ZNF586: variants seen among roughly 807,000 people sequenced by gnomAD.
ZNF586 encodes the protein zinc finger protein 586.
A neutral mutation model predicts 6.7 loss-of-function variants in ZNF586; 7 were observed. That is an observed-to-expected ratio of 1.04 (90% CI 0.59 to 1.95). The LOEUF (loss-of-function observed/expected upper bound fraction) is 1.95, where lower values mean the gene tolerates loss of function less well. ZNF586 is among the 30% of genes most tolerant of loss of function. The pLI is 0.00. For missense variants in ZNF586, 442 were observed against 489.6 expected (o/e 0.90, Z 0.92); for synonymous variants, 166 against 168.7 (o/e 0.98, Z 0.12).
chr19:57,777,088 A>G (rs1217552524), intron 2 of ZNF586, among the ~76,000 whole-genome samples: 2 of 152,046 alleles, frequency 1.3e-5, no homozygotes, highest in Non-Finnish European at 1.5e-5. Context: ...CCCTACTTCA[A>G]AATTCTTTTT....
chr19:57,773,312 T>C (rs1347551571), intron 1 of ZNF586, among the ~76,000 whole-genome samples: 1 of 152,090 alleles, frequency 6.6e-6, no homozygotes, highest in East Asian at 1.9e-4. Context: ...GGTTTCCTGC[T>C]TGTGTACCTG....
intron 1 of ZNF586, among the ~76,000 whole-genome samples, chr19:57,771,697 CTG>C (rs538259806): frequency 7.0e-4 from 107 of 152,246 alleles, no homozygotes; most frequent in African/African-American, 2.5e-3. Flanking sequence ...GGGCAACAGA[CTG>C]TGGGGTTGAG....
Position 57,777,987 on chromosome 19 carries a change from C to T in ZNF586, c.164-764C>T, listed in dbSNP as rs576731738. On this transcript the variant is annotated intron_variant, in intron 2 of 2. Transcript: ENST00000396154. ...CTGGCAAGGCTGGTCTTGAACTGAC[C>T]TCAGGTGATCCACGCCCCTCAACTT... is the stretch of plus-strand genomic sequence containing the variant. 3.6e-4 allele frequency among the ~76,000 whole-genome samples: 54 copies of T among 151,560 alleles called. 1 individual carries two copies. The highest frequency in any genetic ancestry group is 1.3e-3 in the African/African-American group (54 of 41,366).
chr19:57,775,354 G>A (rs1484584951), intron 1 of ZNF586, among the ~76,000 whole-genome samples: 1 of 152,064 alleles, frequency 6.6e-6, no homozygotes, highest in Non-Finnish European at 1.5e-5. Flanking sequence ...TTGCAGCTGG[G>A]TGTGGTATCG....
intron 1 of ZNF586, among the ~76,000 whole-genome samples, chr19:57,770,298 AG>A (rs1196649988): frequency 1.3e-5 from 2 of 151,476 alleles, no homozygotes; most frequent in Non-Finnish European, 2.9e-5. Flanking sequence ...CTGGGATTAC[AG>A]GCATGCGCCA....
chr19:57,773,390 TTTCTTC>T (rs200967992), intron 1 of ZNF586, among the ~76,000 whole-genome samples: 1 of 134,724 alleles, frequency 7.4e-6, no homozygotes, highest in South Asian at 2.2e-4. Context: ...GATACATCTG[TTTCTTC>T]TTCTTCTTTT....
Position 57,776,652 on chromosome 19 carries a change from C to A in ZNF586, c.146C>A (p.Thr49Lys), listed in dbSNP as rs1464019275. 3 of 1,606,232 alleles carry A rather than the reference C, an allele frequency of 1.9e-6. No individual in the cohort carries two copies. The highest frequency in any genetic ancestry group is 2.7e-5 in the African/African-American group (2 of 74,654). ...CGTGACGTGATGCTGGAGACCTTGA[C>A]ACTTATATCCTCCCTGGGTAAGGTA... ...LYRDVMLETLTLISSLGCWHG... is the reference protein window; with the variant it reads ...LYRDVMLETLKLISSLGCWHG... The change falls in exon 2 of 3, where the codon ACA (threonine) becomes AAA (lysine). Residue 49 changes from threonine to lysine, a missense_variant. Thr to Lys is a moderately conservative substitution (Grantham distance 78). Coordinates refer to ENST00000396154, the MANE Select transcript of ZNF586 (RefSeq NM_017652.4).
chr19:57,770,907 G>A (rs1330582362), intron 1 of ZNF586, among the ~76,000 whole-genome samples: 1 of 151,992 alleles, frequency 6.6e-6, no homozygotes, highest in Non-Finnish European at 1.5e-5. Flanking sequence ...CTGGGTTGCG[G>A]TGACGCGATC....
chr19:57,776,515 G>C, intron 1 of ZNF586, 28 bp from the exon 2 acceptor site: 1 of 1,599,756 alleles, frequency 6.3e-7, no homozygotes, highest in Non-Finnish European at 8.5e-7. Context: ...GGGGCCATTT[G>C]TGGTTTCATC....
Position 57,779,151 on chromosome 19 carries a change from T to C in ZNF586, c.564T>C (p.Ala188=), listed in dbSNP as rs1429816072. 5 of 1,612,854 alleles carry C rather than the reference T, an allele frequency of 3.1e-6. No homozygotes were observed. The East Asian group carries it at 1.1e-4, about 36-fold the overall frequency. The part of the protein sequence containing the change: ...YECIECGKAF[A]EKSSLINHRK... ...GTATTGAATGTGGGAAAGCCTTTGCTGAAAAGTCCAGTCTCATTAACCACA... is the reference window on the plus strand; with the variant it reads ...GTATTGAATGTGGGAAAGCCTTTGCCGAAAAGTCCAGTCTCATTAACCACA... The change falls in exon 3 of 3, where the codon GCT becomes GCC. Residue 188 remains alanine (A), a synonymous_variant. Transcript: ENST00000396154.
At position 57,780,613 on chromosome 19, in the gene ZNF586, C is replaced by T. The variant is rs1309669615; in HGVS notation, c.*817C>T. On this transcript the variant is annotated 3_prime_UTR_variant, in exon 3 of 3. Coordinates refer to ENST00000396154, the MANE Select transcript of ZNF586 (RefSeq NM_017652.4). ...GTCTTTGCAGGAGGGCATGGAAGCT[C>T]CAAGTGCTTTTCTCATACTTTACCC... is the stretch of plus-strand genomic sequence containing the variant. 1 of 152,206 alleles carries T rather than the reference C, an allele frequency of 6.6e-6. No individual in the cohort carries two copies. Among genetic ancestry groups the T allele is most frequent in the Non-Finnish European group, 1.5e-5 (1 of 68,052 alleles). The allele number at this position is 152,206 out of a possible 1,614,324, so 9.4% of individuals were successfully genotyped here. A position where few individuals can be genotyped will look rare whatever the true frequency, so the allele number is the denominator to read the frequency against.
chr19:57,776,211 T>C (rs1336444046), intron 1 of ZNF586, among the ~76,000 whole-genome samples: 1 of 152,134 alleles, frequency 6.6e-6, no homozygotes, highest in Non-Finnish European at 1.5e-5. Flanking sequence ...TGTACGTACA[T>C]AAGGATTATG....
chr19:57,771,826 T>C (rs1600077943), intron 1 of ZNF586, among the ~76,000 whole-genome samples: 1 of 151,716 alleles, frequency 6.6e-6, no homozygotes, highest in South Asian at 2.1e-4. Context: ...GAGGGGCAAG[T>C]CAATTTTTTT....
intron 1 of ZNF586, among the ~76,000 whole-genome samples, chr19:57,773,254 A>G (rs1483206938): frequency 6.6e-6 from 1 of 152,154 alleles, no homozygotes; most frequent in Non-Finnish European, 1.5e-5. Context: ...TGGAAGGCAC[A>G]ACCTTCAGAT....
At chr19:57,773,812 T>C (rs1430198123) in intron 1 of ZNF586, among the ~76,000 whole-genome samples, 2 of 152,222 alleles carry the variant, frequency 1.3e-5, no homozygotes, top group Non-Finnish European at 2.9e-5. Context: ...CTGGGGTGTT[T>C]GATTCAGCCT....
Position 57,780,050 on chromosome 19 carries a change from T to TTTTTTA in ZNF586, c.*255_*256insTTTTAT, listed in dbSNP as rs1987349279. Reference sequence around the variant, plus strand: ...AAATACCACAGATGTGGAGGTAATATTATTTTTTCTTCAATATAACACTGG... The same window carrying TTTTTTA: ...AAATACCACAGATGTGGAGGTAATATTTTTTATATTTTTTCTTCAATATAACACTGG... On this transcript the variant is annotated 3_prime_UTR_variant, in exon 3 of 3. Transcript: ENST00000396154. 2.0e-6 allele frequency: 1 copy of TTTTTTA among 489,540 alleles called. No homozygotes were observed. The highest frequency in any genetic ancestry group is 1.9e-5 in the African/African-American group (1 of 51,654). 30.3% of individuals were successfully genotyped at this position (489,540 alleles called of 1,614,324 possible).
rs766346945 is a variant in ZNF586, at chr19:57,778,752, T to A, written c.165T>A (p.Gly55=). 2 of 1,599,718 alleles carry A rather than the reference T, an allele frequency of 1.3e-6. No homozygotes were observed. Among genetic ancestry groups the A allele is most frequent in the South Asian group, 1.1e-5 (1 of 89,100 alleles). Residue 55 remains glycine (G), a splice_region_variant and synonymous_variant, in exon 3 of 3, where the codon GGT becomes GGA. Transcript: ENST00000396154. ...LETLTLISSL[G]CWHGGEDEAA... is the part of the protein sequence containing the mutation. ...TCACCAGCATTTCTTTGCTTTTAGGTTGTTGGCATGGAGGGGAAGATGAGG... is the reference window on the plus strand; with the variant it reads ...TCACCAGCATTTCTTTGCTTTTAGGATGTTGGCATGGAGGGGAAGATGAGG...
chr19:57,778,907 G>A lies in ZNF586; in HGVS notation c.320G>A (p.Arg107Lys), dbSNP rs2032524655. The A allele has an allele frequency of 6.2e-7, 1 of 1,614,108 alleles. No homozygotes were observed. Among genetic ancestry groups the A allele is most frequent in the Non-Finnish European group, 8.5e-7 (1 of 1,180,022 alleles). The change falls in exon 3 of 3, where the codon AGA becomes AAA. Residue 107 changes from arginine to lysine, a missense_variant. Coordinates refer to ENST00000396154, the MANE Select transcript of ZNF586 (RefSeq NM_017652.4). ...AACAAGTCCTGCCTCACTGAACCCAGAAGAGATCACAAACACAGGAATGTT... is the reference window on the plus strand; with the variant it reads ...AACAAGTCCTGCCTCACTGAACCCAAAAGAGATCACAAACACAGGAATGTT... ...FKNKSCLTEP[R>K]RDHKHRNVRT... is the part of the protein sequence containing the mutation.
chr19:57,770,901 G>A (rs752489182), intron 1 of ZNF586, among the ~76,000 whole-genome samples: 9 of 151,918 alleles, frequency 5.9e-5, no homozygotes, highest in Non-Finnish European at 1.0e-4. Context: ...CCCAGGCTGG[G>A]TTGCGGTGAC....
Sources: gnomAD v4.1 joint callset for allele counts (sites outside exome capture counted in the v4.1 genomes callset) on GRCh38, gnomAD v4.1.1 for gene constraint, MANE v1.5 for transcripts, NCBI Gene and HGNC (gene_info 2026-07-23, HGNC 2026-07-21) for gene names.